ST7: variants seen among roughly 807,000 people sequenced by gnomAD.
ST7 encodes the protein suppressor of tumorigenicity 7 protein.
A neutral mutation model predicts 78.7 loss-of-function variants in ST7; 28 were observed. The observed-to-expected ratio is 0.36, with a 90% CI of 0.26 to 0.49. The LOEUF is 0.49. Ranked by LOEUF, ST7 falls within the 20% of genes least tolerant of loss-of-function variation. ST7 has a pLI of 0.99. For synonymous variants in ST7, 247 were observed against 249.6 expected, an observed-to-expected ratio of 0.99 and a Z score of 0.10; for missense variants, 418 against 696.0, an observed-to-expected ratio of 0.60 and a Z score of 4.49.
At chr7:116,958,871 G>C (rs981273929) in intron 1 of ST7, among the ~76,000 whole-genome samples, 11 of 152,088 alleles carry the variant, frequency 7.2e-5, no homozygotes, top group African/African-American at 2.4e-4. Flanking sequence ...TCTTTTTGCT[G>C]GTAGAGAGTC....
intron 2 of ST7, among the ~76,000 whole-genome samples, chr7:117,100,555 A>T (rs1057285896): frequency 2.6e-5 from 4 of 152,122 alleles, no homozygotes; most frequent in East Asian, 1.9e-4. Flanking sequence ...GTTTTTTTTT[A>T]AATGTATTGA....
chr7:116,997,871 C>T (rs577072555), intron 1 of ST7, among the ~76,000 whole-genome samples: 16 of 152,378 alleles, frequency 1.1e-4, no homozygotes, highest in African/African-American at 3.4e-4. Context: ...TATCTACAAT[C>T]CCTTAGCTAG....
chr7:117,077,780 G>A (rs995033709), intron 1 of ST7, among the ~76,000 whole-genome samples: 1 of 151,188 alleles, frequency 6.6e-6, no homozygotes, highest in South Asian at 2.1e-4. Context: ...TCAAATTTTT[G>A]GATTTTTGCC....
intron 1 of ST7, among the ~76,000 whole-genome samples, chr7:117,016,074 G>A (rs559149643): frequency 6.6e-6 from 1 of 152,172 alleles, no homozygotes; most frequent in South Asian, 2.1e-4. Flanking sequence ...GGACTTCTGT[G>A]GTAGATACTT....
At chr7:117,165,903 G>T (rs566690961) in intron 9 of ST7, among the ~76,000 whole-genome samples, 4 of 152,168 alleles carry the variant, frequency 2.6e-5, no homozygotes, top group Non-Finnish European at 5.9e-5. Context: ...TGCCAGATGC[G>T]TGGTGCGTGT....
At chr7:117,093,519 A>G (rs1304191884) in intron 1 of ST7, among the ~76,000 whole-genome samples, 5 of 152,136 alleles carry the variant, frequency 3.3e-5, no homozygotes, top group Non-Finnish European at 7.4e-5. Flanking sequence ...TGGTTAACAT[A>G]GTGAAACCCG....
intron 10 of ST7, among the ~76,000 whole-genome samples, chr7:117,182,386 C>T (rs1463656250): frequency 6.6e-6 from 1 of 152,112 alleles, no homozygotes; most frequent in Non-Finnish European, 1.5e-5. Context: ...CAAAGCTGTG[C>T]ATGGTAGCTT....
intron 13 of ST7, among the ~76,000 whole-genome samples, chr7:117,211,814 G>T (rs1418627883): frequency 6.6e-6 from 1 of 152,148 alleles, no homozygotes; most frequent in Non-Finnish European, 1.5e-5. Context: ...GAGATTAAAA[G>T]AAACATGAAG....
chr7:116,960,256 CT>C (rs1218829285), intron 1 of ST7, among the ~76,000 whole-genome samples: 1 of 151,946 alleles, frequency 6.6e-6, no homozygotes, highest in African/African-American at 2.4e-5. Flanking sequence ...GGGACGGGAT[CT>C]CAGCTGACTG....
At chr7:117,091,137 G>A (rs1304082931) in intron 1 of ST7, among the ~76,000 whole-genome samples, 1 of 152,180 alleles carries the variant, frequency 6.6e-6, no homozygotes, top group Non-Finnish European at 1.5e-5. Flanking sequence ...TCTTGCCATA[G>A]GAATGGGTCT....
intron 1 of ST7, among the ~76,000 whole-genome samples, chr7:117,052,085 A>T (rs992776755): frequency 2.0e-5 from 3 of 152,190 alleles, no homozygotes; most frequent in African/African-American, 7.2e-5. Flanking sequence ...TAAAAGCGTT[A>T]GTGTCCAAGG....
chr7:117,142,106 C>T lies in ST7; in HGVS notation c.963+3574C>T, dbSNP rs1049024551. The stretch of plus-strand genomic sequence containing the variant: ...CCTCTTCAACATTTAATATACGATA[C>T]AATTTCTTTTTTCCTTTTGACATCT... On this transcript the variant is annotated intron_variant, in intron 9 of 15. Coordinates refer to ENST00000323984, the MANE Select transcript of ST7 (RefSeq NM_001369598.1). Among the ~76,000 whole-genome samples the T allele has an allele frequency of 2.3e-4, 35 of 152,060 alleles. 1 individual carries two copies. The highest frequency in any genetic ancestry group is 3.8e-4 in the Non-Finnish European group (26 of 68,006).
At position 117,150,190 on chromosome 7, in the gene ST7, A is replaced by G. The variant is rs146077029; in HGVS notation, c.963+11658A>G. On this transcript the variant is annotated intron_variant, in intron 9 of 15. Coordinates refer to ENST00000323984, the MANE Select transcript of ST7 (RefSeq NM_001369598.1). The stretch of plus-strand genomic sequence containing the variant: ...ACTGGAGTGTCTAGTCACTATGGGT[A>G]TAGACTTAAACCCAGTCTTGTTCTC... 1.5e-3 allele frequency among the ~76,000 whole-genome samples: 222 copies of G among 152,272 alleles called. 4 individuals are homozygous for G. The Middle Eastern group carries it at 0.017, about 12-fold the overall frequency.
chr7:117,146,655 T>C (rs1050023659), intron 9 of ST7, among the ~76,000 whole-genome samples: 2 of 152,156 alleles, frequency 1.3e-5, no homozygotes, highest in African/African-American at 2.4e-5. Flanking sequence ...TAGATATATT[T>C]TGAAGGCAGG....
chr7:117,087,043 G>A (rs2116657313), intron 1 of ST7, among the ~76,000 whole-genome samples: 1 of 152,256 alleles, frequency 6.6e-6, no homozygotes, highest in East Asian at 1.9e-4. Flanking sequence ...GCTTGCAGCA[G>A]GCCTTCTTTT....
intron 1 of ST7, among the ~76,000 whole-genome samples, chr7:117,021,176 C>A (rs1477907810): frequency 6.6e-6 from 1 of 151,634 alleles, no homozygotes; most frequent in Non-Finnish European, 1.5e-5. Flanking sequence ...TTTTGATATG[C>A]TGGCTAGCAT....
chr7:116,961,555 C>T (rs895017149), intron 1 of ST7, among the ~76,000 whole-genome samples: 9 of 138,522 alleles, frequency 6.5e-5, no homozygotes, highest in Non-Finnish European at 9.4e-5. Context: ...TGTATTCCTA[C>T]GTGTGTGTGT....
intron 15 of ST7, chr7:117,224,044 C>A: frequency 1.8e-6 from 1 of 564,052 alleles, no homozygotes; most frequent in Non-Finnish European, 2.2e-6. Flanking sequence ...CCTTTAATAG[C>A]AACCCTGAGT....
At chr7:117,078,134 A>C (rs531601866) in intron 1 of ST7, among the ~76,000 whole-genome samples, 100 of 152,290 alleles carry the variant, frequency 6.6e-4, no homozygotes, top group Non-Finnish European at 1.2e-3. Flanking sequence ...CTGATCCCTA[A>C]ATCTTTTCTA....
Sources: gnomAD v4.1 joint callset for allele counts (sites outside exome capture counted in the v4.1 genomes callset) on GRCh38, gnomAD v4.1.1 for gene constraint, MANE v1.5 for transcripts, NCBI Gene and HGNC (gene_info 2026-07-23, HGNC 2026-07-21) for gene names.